Variants in STAMBPL1 observed in about 807,000 individuals in gnomAD.
STAMBPL1 encodes the protein AMSH-like protease.
In STAMBPL1, 44 loss-of-function variants were observed where a neutral mutation model predicts 52.9. The observed-to-expected ratio is 0.83, with a 90% CI of 0.65 to 1.07. STAMBPL1 has a LOEUF of 1.07. Among genes scored for constraint, STAMBPL1 ranks in the 50% least tolerant of loss-of-function variants. STAMBPL1 has a pLI of 0.00. For missense variants in STAMBPL1, 511 were observed against 520.8 expected, an observed-to-expected ratio of 0.98 and a Z score of 0.18; for synonymous variants, 164 against 177.3, an observed-to-expected ratio of 0.92 and a Z score of 0.60.
At chr10:88,892,491 A>G (rs897711057) in intron 1 of STAMBPL1, among the ~76,000 whole-genome samples, 11 of 152,168 alleles carry the variant, frequency 7.2e-5, no homozygotes, top group Admixed American at 5.9e-4. Context: ...TAGGGTAGGA[A>G]GGTAGGAAGG....
rs185543323 is a variant in STAMBPL1, at chr10:88,904,177, A to G, written c.31-1266A>G. 1.3e-4 allele frequency among the ~76,000 whole-genome samples: 20 copies of G among 152,310 alleles called. No homozygotes were observed. In the East Asian group the frequency reaches 2.9e-3, roughly 22 times the overall value. On this transcript the variant is annotated intron_variant, in intron 2 of 10. Coordinates refer to ENST00000371926, the MANE Select transcript of STAMBPL1 (RefSeq NM_020799.4). ...CTGACCAAGGCGGCCTTGAGAAGCT[A>G]AATTTGCTCTAGACTAACTCTGTTC...
intron 8 of STAMBPL1, 128 bp from the exon 9 acceptor site, chr10:88,921,155 C>G: frequency 1.5e-6 from 1 of 675,632 alleles, no homozygotes; most frequent in Non-Finnish European, 2.4e-6. Context: ...TCAGCAAAAC[C>G]TTTTTAAAAA....
At chr10:88,894,447 G>GGTACTTCT (rs1393054341) in intron 1 of STAMBPL1, among the ~76,000 whole-genome samples, 1 of 152,000 alleles carries the variant, frequency 6.6e-6, no homozygotes, top group Non-Finnish European at 1.5e-5. Flanking sequence ...CTCTTACCTA[G>GGTACTTCT]AAGGCAGTCT....
intron 3 of STAMBPL1, among the ~76,000 whole-genome samples, chr10:88,905,968 G>A (rs1184743017): frequency 2.0e-5 from 3 of 151,888 alleles, no homozygotes; most frequent in Admixed American, 6.6e-5. Context: ...TTTTTCATGC[G>A]ATTTTCCCCG....
intron 9 of STAMBPL1, 70 bp downstream of exon 9, chr10:88,921,465 A>G: frequency 7.9e-7 from 1 of 1,259,754 alleles, no homozygotes. Flanking sequence ...GTGTGTCCAG[A>G]CACCAGGTTG....
chr10:88,905,676 G>C lies in STAMBPL1; in HGVS notation c.248+16G>C. The C allele has an allele frequency of 6.3e-7, 1 of 1,585,678 alleles. No homozygotes were observed. Among genetic ancestry groups the C allele is most frequent in the Non-Finnish European group, 8.6e-7 (1 of 1,161,130 alleles). On this transcript the variant is annotated intron_variant, in intron 3 of 10. Coordinates refer to ENST00000371926, the MANE Select transcript of STAMBPL1 (RefSeq NM_020799.4). ...AATTTATAACGTAAGTGTTTTAAAG[G>C]CCTCTGAAGTGAGAAAATTGGAAAA... is the stretch of plus-strand genomic sequence containing the variant.
chr10:88,904,043 T>C (rs1845012719), intron 2 of STAMBPL1, among the ~76,000 whole-genome samples: 1 of 152,212 alleles, frequency 6.6e-6, no homozygotes, highest in Non-Finnish European at 1.5e-5. Context: ...GGCTCGGTAA[T>C]TCATGGCCAG....
chr10:88,914,570 C>G lies in STAMBPL1; in HGVS notation c.815C>G (p.Pro272Arg). The G allele has an allele frequency of 6.5e-7, 1 of 1,538,104 alleles. No individual in the cohort carries two copies. Among genetic ancestry groups the G allele is most frequent in the South Asian group, 1.3e-5 (1 of 79,660 alleles). The change falls in exon 7 of 11, where the codon CCA becomes CGA. Residue 272 changes from proline to arginine, a missense_variant. Around this residue, in one of 3 missense-constraint regions of STAMBPL1, gnomAD observed 358 missense variants for 343.5 expected, o/e 1.04. Transcript: ENST00000371926. ...VVEGLRCVVL[P>R]EDLCHKFLQL... is the part of the protein sequence containing the mutation. ...GAAGGACTGCGATGTGTAGTTTTGC[C>G]AGAAGATCTTTGCCACAAATTTCTG...
At chr10:88,914,206 A>G (rs910556838) in intron 6 of STAMBPL1, among the ~76,000 whole-genome samples, 1 of 152,204 alleles carries the variant, frequency 6.6e-6, no homozygotes, top group Non-Finnish European at 1.5e-5. Flanking sequence ...AGGATATGAG[A>G]TGCATTCTAT....
chr10:88,900,841 G>C (rs2133162156), intron 1 of STAMBPL1, among the ~76,000 whole-genome samples: 1 of 152,280 alleles, frequency 6.6e-6, no homozygotes, highest in Middle Eastern at 3.4e-3. Flanking sequence ...CAATTGACTT[G>C]TTGACATGGG....
intron 7 of STAMBPL1, among the ~76,000 whole-genome samples, 154 bp from the exon 8 acceptor site, chr10:88,916,526 G>T: frequency 7.0e-6 from 1 of 143,454 alleles, no homozygotes; most frequent in South Asian, 2.4e-4. Context: ...AGGGTGGTGT[G>T]TCCAGGTACA....
At chr10:88,908,372 C>A (rs905487005) in intron 3 of STAMBPL1, among the ~76,000 whole-genome samples, 12 of 152,120 alleles carry the variant, frequency 7.9e-5, no homozygotes, top group Admixed American at 2.0e-4. Flanking sequence ...ATGTGATTCT[C>A]TCTGTTGCCA....
At chr10:88,892,128 C>T (rs1844699953) in intron 1 of STAMBPL1, among the ~76,000 whole-genome samples, 1 of 152,160 alleles carries the variant, frequency 6.6e-6, no homozygotes, top group Admixed American at 6.6e-5. Flanking sequence ...ACCTCCACTT[C>T]AGAGAGGCCA....
At chr10:88,905,117 G>A (rs1272779787) in intron 2 of STAMBPL1, among the ~76,000 whole-genome samples, 1 of 152,122 alleles carries the variant, frequency 6.6e-6, no homozygotes. Context: ...ATAGAAGCAT[G>A]CACAGGGATA....
chr10:88,918,179 T>C (rs1845416565), intron 8 of STAMBPL1, among the ~76,000 whole-genome samples: 1 of 152,038 alleles, frequency 6.6e-6, no homozygotes, highest in Non-Finnish European at 1.5e-5. Flanking sequence ...CAAGAAAATT[T>C]CCAGGACACA....
intron 1 of STAMBPL1, among the ~76,000 whole-genome samples, 184 bp downstream of exon 1, chr10:88,880,822 T>G (rs1028226403): frequency 6.6e-6 from 1 of 152,172 alleles, no homozygotes; most frequent in African/African-American, 2.4e-5. Flanking sequence ...CTGCCAGTCA[T>G]GCAATCGGCC....
chr10:88,915,183 A>C (rs1284286669), intron 7 of STAMBPL1, among the ~76,000 whole-genome samples: 1 of 152,208 alleles, frequency 6.6e-6, no homozygotes, highest in African/African-American at 2.4e-5. Flanking sequence ...TAAGTATGTG[A>C]TGAAAGACAA....
chr10:88,917,050 C>G (rs765192055), intron 8 of STAMBPL1, among the ~76,000 whole-genome samples: 2 of 152,018 alleles, frequency 1.3e-5, no homozygotes, highest in African/African-American at 2.4e-5. Flanking sequence ...GTGCCTAAAC[C>G]TGTCAAATCT....
At chr10:88,897,351 A>G (rs955991627) in intron 1 of STAMBPL1, among the ~76,000 whole-genome samples, 2 of 152,196 alleles carry the variant, frequency 1.3e-5, no homozygotes, top group Non-Finnish European at 2.9e-5. Context: ...AGTCGGATTA[A>G]CAGAAAGCAG....
Sources: allele counts gnomAD v4.1 joint callset (sites outside exome capture counted in the v4.1 genomes callset), GRCh38; gene constraint gnomAD v4.1.1; regional missense constraint gnomAD v4.1.1; transcripts MANE v1.5; gene names NCBI Gene and HGNC (gene_info 2026-07-23, HGNC 2026-07-21).